NALCN: variants seen among roughly 807,000 people sequenced by gnomAD.
The protein encoded by NALCN is sodium leak channel, non-selective.
A neutral mutation model predicts 225.3 loss-of-function variants in NALCN; 111 were observed. The observed-to-expected ratio is 0.49, with a 90% CI of 0.42 to 0.58. NALCN has a LOEUF of 0.58. NALCN is among the 20% of genes least tolerant of loss of function. The probability of loss-of-function intolerance (pLI) is 0.00; values close to 1 mark genes in which losing one functional copy is unlikely to be tolerated. For synonymous variants in NALCN, 764 were observed against 769.0 expected, an observed-to-expected ratio of 0.99 and a Z score of 0.11; for missense variants, 1,378 against 2,202.4, an observed-to-expected ratio of 0.63 and a Z score of 7.49.
At chr13:101,165,247 A>T (rs2038381188) in intron 15 of NALCN, among the ~76,000 whole-genome samples, 1 of 152,202 alleles carries the variant, frequency 6.6e-6, no homozygotes, top group Non-Finnish European at 1.5e-5. Flanking sequence ...CTGGAAACAG[A>T]GTATGAGGCG....
At chr13:101,090,125 CAT>C (rs1457396356) in intron 28 of NALCN, among the ~76,000 whole-genome samples, 159 bp from the exon 29 acceptor site, 10 of 152,150 alleles carry the variant, frequency 6.6e-5, no homozygotes, top group South Asian at 2.1e-4. Context: ...CACACACATA[CAT>C]ATGTGTGTAT....
intron 14 of NALCN, among the ~76,000 whole-genome samples, chr13:101,188,970 G>A (rs2039567390): frequency 6.6e-6 from 1 of 152,132 alleles, no homozygotes; most frequent in Non-Finnish European, 1.5e-5. Flanking sequence ...TTACAGGCGT[G>A]AGCCACCGTG....
At chr13:101,203,879 G>A (rs1394168716) in intron 13 of NALCN, among the ~76,000 whole-genome samples, 3 of 152,170 alleles carry the variant, frequency 2.0e-5, no homozygotes, top group Non-Finnish European at 2.9e-5. Context: ...TAGATGCTAT[G>A]AATTGCCTTT....
In NALCN at chr13:101,362,159, G is replaced by A. The variant is rs906257661; in HGVS notation, c.644+14541C>T. ...CTAGTTTATAGATTTAGATGAAGTCGAATCCCATGAAACATAACATATACA... is the reference window on the plus strand; with the variant it reads ...CTAGTTTATAGATTTAGATGAAGTCAAATCCCATGAAACATAACATATACA... On this transcript the variant is annotated intron_variant, in intron 6 of 43. Coordinates refer to ENST00000251127, the MANE Select transcript of NALCN (RefSeq NM_052867.4). Among the ~76,000 whole-genome samples, 18 of 151,958 alleles carry A rather than the reference G, an allele frequency of 1.2e-4. No individual in the cohort carries two copies. The East Asian group carries it at 2.9e-3, about 24-fold the overall frequency.
intron 6 of NALCN, among the ~76,000 whole-genome samples, chr13:101,357,975 C>T (rs1407162644): frequency 2.6e-5 from 4 of 152,158 alleles, no homozygotes; most frequent in African/African-American, 7.2e-5. Context: ...AGAAAACTTG[C>T]TAGCCATGTG....
chr13:101,220,586 G>T (rs2040899138), intron 13 of NALCN, among the ~76,000 whole-genome samples: 1 of 152,144 alleles, frequency 6.6e-6, no homozygotes, highest in East Asian at 1.9e-4. Flanking sequence ...CACACGTTCA[G>T]GCTGTCACCA....
intron 28 of NALCN, 138 bp from the exon 29 acceptor site, chr13:101,090,104 G>A (rs1163170101): frequency 9.7e-6 from 12 of 1,242,880 alleles, no homozygotes; most frequent in Non-Finnish European, 1.3e-5. Flanking sequence ...ACACACACAC[G>A]TGTGCGTGCA....
intron 14 of NALCN, among the ~76,000 whole-genome samples, chr13:101,179,800 G>T (rs1029350107): frequency 6.6e-6 from 1 of 152,144 alleles, no homozygotes; most frequent in Non-Finnish European, 1.5e-5. Context: ...ACATTTATTT[G>T]ATCACAATTC....
chr13:101,246,979 AC>A, intron 11 of NALCN, among the ~76,000 whole-genome samples: 1 of 152,288 alleles, frequency 6.6e-6, no homozygotes, highest in East Asian at 1.9e-4. Flanking sequence ...AAAGGAAAAA[AC>A]AGGAAACCAA....
intron 37 of NALCN, among the ~76,000 whole-genome samples, chr13:101,072,763 C>A (rs1195967099): frequency 6.6e-6 from 1 of 151,990 alleles, no homozygotes; most frequent in South Asian, 2.1e-4. Flanking sequence ...TAGCTCCATG[C>A]AGCGATGTAA....
chr13:101,076,383 C>T (rs2033253747), intron 34 of NALCN, among the ~76,000 whole-genome samples: 1 of 152,178 alleles, frequency 6.6e-6, no homozygotes, highest in Non-Finnish European at 1.5e-5. Context: ...ACACTCATTC[C>T]TCTAAGCTGA....
intron 13 of NALCN, among the ~76,000 whole-genome samples, chr13:101,228,690 G>A (rs866460679): frequency 6.6e-5 from 10 of 152,216 alleles, no homozygotes; most frequent in Middle Eastern, 6.8e-3. Context: ...CAGTTTCATC[G>A]AGTATGTCTT....
At chr13:101,192,193 C>A in intron 13 of NALCN, 139 bp from the exon 14 acceptor site, 1 of 826,182 alleles carries the variant, frequency 1.2e-6, no homozygotes, top group South Asian at 2.3e-5. Flanking sequence ...CTTGATTCAA[C>A]ACATAGGAAA....
At chr13:101,205,503 G>A (rs896922363) in intron 13 of NALCN, among the ~76,000 whole-genome samples, 5 of 152,074 alleles carry the variant, frequency 3.3e-5, no homozygotes, top group African/African-American at 1.2e-4. Context: ...TTCTTGCAGA[G>A]CATGGTATTT....
intron 15 of NALCN, among the ~76,000 whole-genome samples, chr13:101,167,574 C>T (rs1434951117): frequency 6.6e-6 from 1 of 152,098 alleles, no homozygotes; most frequent in Admixed American, 6.5e-5. Context: ...AGGTGGTTCA[C>T]GCCTGTAATC....
chr13:101,183,583 C>T lies in NALCN; in HGVS notation c.1765-7209G>A, dbSNP rs140646586. ...CAAGTGGTTCTCCTGCTTCAGCCTCCGAAGTAGCTGGGATTTTAGGTGCCT... is the reference window on the plus strand; with the variant it reads ...CAAGTGGTTCTCCTGCTTCAGCCTCTGAAGTAGCTGGGATTTTAGGTGCCT... On this transcript the variant is annotated intron_variant, in intron 14 of 43. Transcript: ENST00000251127. Among the ~76,000 whole-genome samples the T allele has an allele frequency of 4.4e-3, 671 of 152,140 alleles. 2 individuals carry two copies. Among genetic ancestry groups the T allele is most frequent in the African/African-American group, 0.016 (645 of 41,496 alleles).
chr13:101,172,983 A>T (rs2038803135), intron 15 of NALCN, among the ~76,000 whole-genome samples: 1 of 152,256 alleles, frequency 6.6e-6, no homozygotes, highest in African/African-American at 2.4e-5. Context: ...AAGACATTAA[A>T]GTCACTAAAA....
chr13:101,365,843 G>C (rs1374242589), intron 6 of NALCN, among the ~76,000 whole-genome samples: 1 of 152,082 alleles, frequency 6.6e-6, no homozygotes, highest in Non-Finnish European at 1.5e-5. Context: ...CTGAGTTCCT[G>C]TTTGAATCCT....
intron 3 of NALCN, among the ~76,000 whole-genome samples, chr13:101,380,861 C>CACAT (rs963475642): frequency 5.1e-5 from 5 of 97,306 alleles, no homozygotes; most frequent in African/African-American, 1.8e-4. Flanking sequence ...CTAGCTAACA[C>CACAT]ACACACACAC....
Sources: allele counts gnomAD v4.1 joint callset (sites outside exome capture counted in the v4.1 genomes callset), GRCh38; gene constraint gnomAD v4.1.1; transcripts MANE v1.5; gene names NCBI Gene and HGNC (gene_info 2026-07-23, HGNC 2026-07-21).